PTPRR: variants seen among roughly 807,000 people sequenced by gnomAD.
PTPRR encodes the protein protein tyrosine phosphatase receptor type R.
In PTPRR, 38 loss-of-function variants were observed where a neutral mutation model predicts 77.2. The ratio of observed to expected loss-of-function variants is 0.49; its 90% CI spans 0.38 to 0.65. The LOEUF (loss-of-function observed/expected upper bound fraction) is 0.65. Ranked by LOEUF, PTPRR falls within the 30% of genes least tolerant of loss-of-function variation. The pLI, the probability that PTPRR is intolerant of heterozygous loss-of-function variation, is 0.00. For synonymous variants in PTPRR, 299 were observed against 283.1 expected (o/e 1.06, Z -0.57); for missense variants, 744 against 799.2 (o/e 0.93, Z 0.83).
chr12:70,764,426 A>G (rs1890764800), intron 3 of PTPRR, among the ~76,000 whole-genome samples: 1 of 152,176 alleles, frequency 6.6e-6, no homozygotes, highest in Non-Finnish European at 1.5e-5. Context: ...GATGATAAAC[A>G]GTTTAGGCTT....
At chr12:70,680,625 C>A (rs564787378) in intron 10 of PTPRR, among the ~76,000 whole-genome samples, 25 of 152,158 alleles carry the variant, frequency 1.6e-4, no homozygotes, top group African/African-American at 5.5e-4. Context: ...AAGGTGGGGA[C>A]CCGCTGTGAG....
At chr12:70,812,908 C>T (rs573650795) in intron 2 of PTPRR, among the ~76,000 whole-genome samples, 49 of 152,182 alleles carry the variant, frequency 3.2e-4, no homozygotes, top group Non-Finnish European at 6.8e-4. Context: ...ATAAAATCAG[C>T]CCCCAGTTTA....
chr12:70,880,451 C>T (rs1565728647), intron 2 of PTPRR, among the ~76,000 whole-genome samples: 1 of 152,168 alleles, frequency 6.6e-6, no homozygotes, highest in African/African-American at 2.4e-5. Context: ...CAGAATCCTT[C>T]AATATCCAGT....
intron 10 of PTPRR, among the ~76,000 whole-genome samples, chr12:70,676,816 A>G (rs918182651): frequency 6.8e-6 from 1 of 147,460 alleles, no homozygotes; most frequent in African/African-American, 2.5e-5. Flanking sequence ...CGATACTGTA[A>G]CTTTGGGGTA....
chr12:70,688,141 C>T (rs1887935084), intron 8 of PTPRR, among the ~76,000 whole-genome samples: 1 of 152,134 alleles, frequency 6.6e-6, no homozygotes, highest in Non-Finnish European at 1.5e-5. Context: ...TTAAGAGTGT[C>T]TTCCAGGGCA....
intron 10 of PTPRR, chr12:70,672,653 G>A (rs1381861847): frequency 6.5e-7 from 1 of 1,542,018 alleles, no homozygotes; most frequent in African/African-American, 1.4e-5. Flanking sequence ...GTGGTCCAGA[G>A]CAACAACACC....
chr12:70,891,682 T>C (rs1373285494), intron 2 of PTPRR, among the ~76,000 whole-genome samples: 2 of 152,098 alleles, frequency 1.3e-5, no homozygotes, highest in Non-Finnish European at 2.9e-5. Flanking sequence ...TCATAATAAA[T>C]ACTGAGTGTA....
chr12:70,643,078 G>A lies in PTPRR; in HGVS notation c.1881-3801C>T, dbSNP rs533258806. On this transcript the variant is annotated intron_variant, in intron 13 of 13. Coordinates refer to ENST00000283228, the MANE Select transcript of PTPRR (RefSeq NM_002849.4). ...CCAACTACACAGGAGGTTGAGGCCA[G>A]AGGATAGCATTTGCTCTATAACAGG... 1.4e-4 allele frequency among the ~76,000 whole-genome samples: 21 copies of A among 152,302 alleles called. No homozygotes were observed. The South Asian group carries it at 4.4e-3, about 32-fold the overall frequency.
intron 6 of PTPRR, among the ~76,000 whole-genome samples, chr12:70,717,471 G>A (rs1889074638): frequency 6.6e-6 from 1 of 152,132 alleles, no homozygotes; most frequent in Non-Finnish European, 1.5e-5. Flanking sequence ...TCTAAGTACT[G>A]AAAGACTCTA....
At chr12:70,882,958 T>A (rs769284385) in intron 2 of PTPRR, among the ~76,000 whole-genome samples, 5 of 152,186 alleles carry the variant, frequency 3.3e-5, no homozygotes, top group Non-Finnish European at 7.3e-5. Flanking sequence ...ATGAAGTTGG[T>A]AATTTTAATC....
chr12:70,844,690 T>C (rs571154321), intron 2 of PTPRR, among the ~76,000 whole-genome samples: 1 of 152,318 alleles, frequency 6.6e-6, no homozygotes, highest in African/African-American at 2.4e-5. Context: ...TTGACTTATA[T>C]GATAGTTTTA....
In PTPRR at chr12:70,873,276, G is replaced by A. The variant is rs183552786; in HGVS notation, c.357+19403C>T. Among the ~76,000 whole-genome samples, 114 of 152,294 alleles carry A rather than the reference G, an allele frequency of 7.5e-4. 3 individuals carry two copies. The highest frequency in any genetic ancestry group is 4.2e-3 in the Admixed American group (64 of 15,310). On this transcript the variant is annotated intron_variant, in intron 2 of 13. Coordinates refer to ENST00000283228, the MANE Select transcript of PTPRR (RefSeq NM_002849.4). ...CCAGCTCTCCATGATGTGGAACTGAGCCTTGAGACTCACTCCCTCTTGTCA... is the reference window on the plus strand; with the variant it reads ...CCAGCTCTCCATGATGTGGAACTGAACCTTGAGACTCACTCCCTCTTGTCA...
chr12:70,703,220 A>G (rs749516967), intron 6 of PTPRR, among the ~76,000 whole-genome samples: 3 of 152,032 alleles, frequency 2.0e-5, no homozygotes, highest in Non-Finnish European at 4.4e-5. Context: ...TTTCCTGTTA[A>G]TTTTATATTT....
intron 1 of PTPRR, among the ~76,000 whole-genome samples, chr12:70,898,005 G>C (rs1269187170): frequency 7.7e-6 from 1 of 129,330 alleles, no homozygotes; most frequent in Non-Finnish European, 1.6e-5. Flanking sequence ...ACTGTTGTGG[G>C]GTGGGGGGAG....
chr12:70,728,335 G>T, intron 6 of PTPRR, among the ~76,000 whole-genome samples: 1 of 115,318 alleles, frequency 8.7e-6, no homozygotes, highest in Non-Finnish European at 1.7e-5. Flanking sequence ...TATATATATG[G>T]CAAATATTCC....
At chr12:70,763,382 C>G (rs573601696) in intron 3 of PTPRR, among the ~76,000 whole-genome samples, 3 of 152,260 alleles carry the variant, frequency 2.0e-5, no homozygotes, top group African/African-American at 7.2e-5. Context: ...ATCCACCCTC[C>G]TGGCCTCCCA....
chr12:70,865,728 C>T (rs1892832647), intron 2 of PTPRR, among the ~76,000 whole-genome samples: 1 of 152,132 alleles, frequency 6.6e-6, no homozygotes, highest in African/African-American at 2.4e-5. Context: ...TATGTTAATG[C>T]TTTGTTTTAG....
chr12:70,919,705 T>A (rs1021217826), intron 1 of PTPRR, among the ~76,000 whole-genome samples: 26 of 124,270 alleles, frequency 2.1e-4, no homozygotes, highest in East Asian at 1.7e-3. Context: ...TTTTTTTTTT[T>A]AATATGCCAG....
intron 6 of PTPRR, among the ~76,000 whole-genome samples, chr12:70,745,035 C>T (rs925257161): frequency 6.6e-6 from 1 of 151,562 alleles, no homozygotes; most frequent in Non-Finnish European, 1.5e-5. Context: ...TAATACATCA[C>T]AAAAAAGGTA....
Sources: gnomAD v4.1 joint callset for allele counts (sites outside exome capture counted in the v4.1 genomes callset) on GRCh38, gnomAD v4.1.1 for gene constraint, MANE v1.5 for transcripts, NCBI Gene and HGNC (gene_info 2026-07-23, HGNC 2026-07-21) for gene names.